DTNB: variants seen among roughly 807,000 people sequenced by gnomAD.
DTNB encodes the protein dystrobrevin beta, also known as DTN-B.
DTNB carries 63 observed loss-of-function variants against 90.7 expected under a neutral mutation model. The ratio of observed to expected loss-of-function variants is 0.69; its 90% CI spans 0.57 to 0.86. The LOEUF is 0.86. Among genes scored for constraint, DTNB ranks in the 40% least tolerant of loss-of-function variants. The pLI, the probability that DTNB is intolerant of heterozygous loss-of-function variation, is 0.00. For synonymous variants in DTNB, 277 were observed against 286.7 expected, an observed-to-expected ratio of 0.97 and a Z score of 0.34; for missense variants, 744 against 807.1, an observed-to-expected ratio of 0.92 and a Z score of 0.95.
At chr2:25,408,538 CAAAAAAAAAA>C (rs11395783) in intron 16 of DTNB, among the ~76,000 whole-genome samples, 2 of 32,730 alleles carry the variant, frequency 6.1e-5, no homozygotes, top group African/African-American at 1.9e-4. Context: ...GACTCCATCT[CAAAAAAAAAA>C]AAAAAAAAAA....
chr2:25,378,115 C>T (rs571256057), intron 20 of DTNB, among the ~76,000 whole-genome samples: 1 of 152,282 alleles, frequency 6.6e-6, no homozygotes, highest in Non-Finnish European at 1.5e-5. Context: ...GGCTCTGCCA[C>T]GTTCCCTTGC....
intron 1 of DTNB, among the ~76,000 whole-genome samples, chr2:25,669,073 G>A (rs1352161360): frequency 2.0e-5 from 3 of 152,086 alleles, no homozygotes; most frequent in African/African-American, 4.8e-5. Flanking sequence ...TAGAGTAGTC[G>A]AATTCATAGA....
chr2:25,500,194 C>T (rs1040195467), intron 9 of DTNB, among the ~76,000 whole-genome samples: 3 of 152,116 alleles, frequency 2.0e-5, no homozygotes, highest in Admixed American at 2.0e-4. Context: ...AGCCACTGTG[C>T]CAGGCCATCT....
At chr2:25,466,560 C>A (rs559876629) in intron 10 of DTNB, among the ~76,000 whole-genome samples, 5 of 152,216 alleles carry the variant, frequency 3.3e-5, no homozygotes, top group East Asian at 1.9e-4. Context: ...CTCCTGTGGC[C>A]GAGTCACTCA....
At chr2:25,629,914 G>C (rs2075299535) in intron 3 of DTNB, among the ~76,000 whole-genome samples, 1 of 152,092 alleles carries the variant, frequency 6.6e-6, no homozygotes, top group Non-Finnish European at 1.5e-5. Context: ...TTAAAAGTCT[G>C]TGTTTCAAAG....
intron 3 of DTNB, among the ~76,000 whole-genome samples, chr2:25,631,012 T>C (rs2075606902): frequency 6.6e-6 from 1 of 151,842 alleles, no homozygotes. Flanking sequence ...GCAAATCCAT[T>C]AAAAAAAAGT....
chr2:25,526,154 T>C (rs1286340740), intron 9 of DTNB, among the ~76,000 whole-genome samples: 1 of 151,724 alleles, frequency 6.6e-6, no homozygotes, highest in Non-Finnish European at 1.5e-5. Flanking sequence ...AACATACTTC[T>C]CCTGGTCAGG....
rs112552014 is a variant in DTNB at position 25,499,273 on chromosome 2, G to C, written c.1002-16400C>G. Among the ~76,000 whole-genome samples, 580 of 152,282 alleles carry C rather than the reference G, an allele frequency of 3.8e-3. 4 individuals carry two copies. The highest frequency in any genetic ancestry group is 0.013 in the African/African-American group (552 of 41,552). On this transcript the variant is annotated intron_variant, in intron 9 of 20. Transcript: ENST00000406818. ...AGTGGGAAAAAGTTTGGGAAAATTG[G>C]TTCTGGCTCCAACTCTGATACTAAG...
intron 9 of DTNB, among the ~76,000 whole-genome samples, chr2:25,529,754 G>C (rs1439781489): frequency 1.3e-5 from 2 of 152,156 alleles, no homozygotes; most frequent in African/African-American, 4.8e-5. Context: ...CCACAGAATT[G>C]CAGCACACTA....
intron 16 of DTNB, among the ~76,000 whole-genome samples, chr2:25,418,870 T>C (rs1000372212): frequency 2.6e-5 from 4 of 152,184 alleles, no homozygotes; most frequent in Admixed American, 6.5e-5. Context: ...AAGCCTGCAA[T>C]TGACTTTCTT....
intron 1 of DTNB, among the ~76,000 whole-genome samples, chr2:25,669,307 G>A (rs985548900): frequency 6.6e-6 from 1 of 151,974 alleles, no homozygotes; most frequent in Non-Finnish European, 1.5e-5. Context: ...AAAAGTTAGA[G>A]TGCTGAAAAA....
intron 8 of DTNB, among the ~76,000 whole-genome samples, chr2:25,560,961 C>CA (rs1020719861): frequency 3.9e-4 from 60 of 152,266 alleles, no homozygotes; most frequent in African/African-American, 1.4e-3. Flanking sequence ...ACTGTTCTCC[C>CA]ACCCTATGTT....
intron 8 of DTNB, among the ~76,000 whole-genome samples, chr2:25,545,620 T>G (rs1374849126): frequency 1.3e-5 from 2 of 152,184 alleles, no homozygotes; most frequent in African/African-American, 4.8e-5. Flanking sequence ...ATGCTGCTAC[T>G]GGGCCTGAGG....
intron 4 of DTNB, among the ~76,000 whole-genome samples, chr2:25,618,001 C>A (rs149259323): frequency 5.0e-4 from 76 of 152,282 alleles, no homozygotes; most frequent in African/African-American, 6.0e-4. Flanking sequence ...CTTACTTCCA[C>A]AAATCACGTT....
chr2:25,633,408 C>T (rs1335062614), intron 3 of DTNB, among the ~76,000 whole-genome samples: 3 of 152,118 alleles, frequency 2.0e-5, no homozygotes, highest in Non-Finnish European at 2.9e-5. Flanking sequence ...GCGAGTGATC[C>T]GCCAGCCTCG....
intron 16 of DTNB, among the ~76,000 whole-genome samples, chr2:25,397,091 A>G (rs2042568082): frequency 6.7e-6 from 1 of 149,974 alleles, no homozygotes; most frequent in African/African-American, 2.5e-5. Context: ...TGCTTTGGAC[A>G]GACTGGCAGC....
At chr2:25,570,111 A>AG (rs1334486060) in intron 8 of DTNB, among the ~76,000 whole-genome samples, 1 of 151,676 alleles carries the variant, frequency 6.6e-6, no homozygotes, top group Non-Finnish European at 1.5e-5. Flanking sequence ...AAAAAAAAAA[A>AG]AAAGGAAATG....
At chr2:25,582,048 T>TA (rs2061629014) in intron 6 of DTNB, among the ~76,000 whole-genome samples, 1 of 152,128 alleles carries the variant, frequency 6.6e-6, no homozygotes, top group Admixed American at 6.5e-5. Flanking sequence ...GAACAGGATA[T>TA]AAAAAATATA....
intron 8 of DTNB, among the ~76,000 whole-genome samples, chr2:25,534,536 A>G (rs1405742222): frequency 1.3e-5 from 2 of 151,340 alleles, no homozygotes; most frequent in Non-Finnish European, 1.5e-5. Context: ...TGCTGGGTAC[A>G]CTTCCCAGAT....
Sources: gnomAD v4.1 joint callset for allele counts (sites outside exome capture counted in the v4.1 genomes callset) on GRCh38, gnomAD v4.1.1 for gene constraint, MANE v1.5 for transcripts, NCBI Gene and HGNC (gene_info 2026-07-23, HGNC 2026-07-21) for gene names.